Variants in KCNQ1OT1 observed in about 807,000 individuals in gnomAD.
KCNQ1OT1 encodes KCNQ1 antisense RNA 2 (non-protein coding).
Position 2,621,046 on chromosome 11 carries a change from C to T in KCNQ1OT1, n.78949G>A, listed in dbSNP as rs577952361. The T allele has an allele frequency of 1.6e-3, 653 of 396,398 alleles. 2 individuals are homozygous for T. The highest frequency in any genetic ancestry group is 5.7e-3 in the African/African-American group (274 of 48,492). 24.6% of individuals were successfully genotyped at this position (396,398 alleles called of 1,614,324 possible). A position where few individuals can be genotyped will look rare whatever the true frequency, so the allele number is the denominator to read the frequency against. ...AGGCTGGAGTGCAGTGGCGCAATCT[C>T]GGCTCACTGCAACCTCCACCTCCTG... On this transcript the variant is annotated non_coding_transcript_exon_variant, in exon 1 of 1. Coordinates refer to ENST00000597346, the Ensembl canonical transcript of KCNQ1OT1. This position sits in a 1 kb window ranked among gnomAD's most constrained non-coding sequence, Gnocchi z 5.7.
At chr11:2,692,383 G>A (rs575214202) in exon 1 of KCNQ1OT1, 16 of 398,796 alleles carry the variant, frequency 4.0e-5, no homozygotes, top group African/African-American at 3.1e-4. Flanking sequence ...CACATCCCCT[G>A]CCCCATTCCA....
At position 2,664,322 on chromosome 11, in the gene KCNQ1OT1, A is replaced by G. The variant is rs1850023622; in HGVS notation, n.35673T>C. 2 of 398,842 alleles carry G rather than the reference A, an allele frequency of 5.0e-6. No homozygotes were observed. Among genetic ancestry groups the G allele is most frequent in the Middle Eastern group, 6.2e-4 (1 of 1,614 alleles). The allele number at this position is 398,842 out of a possible 1,614,324, so 24.7% of individuals were successfully genotyped here. ...ATTGTGTTCTGGTCAGGGAAGACTCAGGGCTGAGGCTTCAGGGGAGCTGGG... is the reference window on the plus strand; with the variant it reads ...ATTGTGTTCTGGTCAGGGAAGACTCGGGGCTGAGGCTTCAGGGGAGCTGGG... On this transcript the variant is annotated non_coding_transcript_exon_variant, in exon 1 of 1. Transcript: ENST00000597346. This position sits in a 1 kb window ranked among gnomAD's most constrained non-coding sequence, Gnocchi z 5.1.
chr11:2,691,339 C>T lies in KCNQ1OT1; in HGVS notation n.8656G>A. On this transcript the variant is annotated non_coding_transcript_exon_variant, in exon 1 of 1. Coordinates refer to ENST00000597346, the Ensembl canonical transcript of KCNQ1OT1. This position sits in a 1 kb window ranked among gnomAD's most constrained non-coding sequence, Gnocchi z 6.4. ...CCTGAGCTACAATCCACTGCACTTA[C>T]AGTGACCACCCATCCTGACATCTTG... 5.0e-6 allele frequency: 2 copies of T among 398,652 alleles called. No homozygotes were observed. Among genetic ancestry groups the T allele is most frequent in the East Asian group, 3.6e-5 (1 of 28,068 alleles). The allele number at this position is 398,652 out of a possible 1,614,324, so 24.7% of individuals were successfully genotyped here. A position where few individuals can be genotyped will look rare whatever the true frequency, so the allele number is the denominator to read the frequency against.
In KCNQ1OT1 at chr11:2,679,706, G is replaced by A. The variant is rs577210505; in HGVS notation, n.20289C>T. On this transcript the variant is annotated non_coding_transcript_exon_variant, in exon 1 of 1. Transcript: ENST00000597346. This position sits in a 1 kb window ranked among gnomAD's most constrained non-coding sequence, Gnocchi z 4.8. ...AGATTAGATTTTTTTTAAATCAGCC[G>A]TTCTCTGTATTCTTGTCCAGATGCT... is the stretch of plus-strand genomic sequence containing the variant. 7.3e-5 allele frequency: 29 copies of A among 398,460 alleles called. No individual in the cohort carries two copies. Among genetic ancestry groups the A allele is most frequent in the South Asian group, 2.5e-4 (2 of 7,856 alleles). 24.7% of individuals were successfully genotyped at this position (398,460 alleles called of 1,614,324 possible).
In KCNQ1OT1 at chr11:2,623,651, G is replaced by T. The variant is rs539266166; in HGVS notation, n.76344C>A. 3.2e-4 allele frequency: 126 copies of T among 398,266 alleles called. No homozygotes were observed. Among genetic ancestry groups the T allele is most frequent in the Non-Finnish European group, 5.2e-4 (118 of 226,018 alleles). 24.7% of individuals were successfully genotyped at this position (398,266 alleles called of 1,614,324 possible). A position where few individuals can be genotyped will look rare whatever the true frequency, so the allele number is the denominator to read the frequency against. ...TATTTCATTGCCTGGATGTACTACAGTTTATCTGTCTACTCACCTATGGAA... is the reference window on the plus strand; with the variant it reads ...TATTTCATTGCCTGGATGTACTACATTTTATCTGTCTACTCACCTATGGAA... On this transcript the variant is annotated non_coding_transcript_exon_variant, in exon 1 of 1. Coordinates refer to ENST00000597346, the Ensembl canonical transcript of KCNQ1OT1. The surrounding 1 kb of genome is among the most constrained non-coding windows in gnomAD (Gnocchi z 5.2).
rs149225615 is a variant in KCNQ1OT1, at chr11:2,668,944, GCA to G, written n.31049_31050del. 1.5e-3 allele frequency: 600 copies of G among 397,554 alleles called. 3 individuals are homozygous for G. The highest frequency in any genetic ancestry group is 0.01 in the African/African-American group (490 of 48,328). The allele number at this position is 397,554 out of a possible 1,614,324, so 24.6% of individuals were successfully genotyped here. The stretch of plus-strand genomic sequence containing the variant: ...TAGCTCACCTTTCCCATGTAGATCT[GCA>G]CTCCATCTGGGATTGATTTTTGTGT... On this transcript the variant is annotated non_coding_transcript_exon_variant, in exon 1 of 1. Coordinates refer to ENST00000597346, the Ensembl canonical transcript of KCNQ1OT1. The surrounding 1 kb of genome is among the most constrained non-coding windows in gnomAD (Gnocchi z 4.3).
exon 1 of KCNQ1OT1, chr11:2,634,400 T>C: frequency 5.6e-6 from 1 of 177,292 alleles, no homozygotes; most frequent in Non-Finnish European, 1.0e-5. Context: ...CATTGTTCAG[T>C]TCCCACCTAC....
At chr11:2,618,109 A>T (rs1043680861) in exon 1 of KCNQ1OT1, 3 of 398,348 alleles carry the variant, frequency 7.5e-6, no homozygotes, top group Non-Finnish European at 1.3e-5. Context: ...TGCCAGAGCC[A>T]TGTCGAGCTT....
chr11:2,668,826 T>A lies in KCNQ1OT1; in HGVS notation n.31169A>T. 2.5e-6 allele frequency: 1 copy of A among 398,640 alleles called. No homozygotes were observed. 24.7% of individuals were successfully genotyped at this position (398,640 alleles called of 1,614,324 possible). A position where few individuals can be genotyped will look rare whatever the true frequency, so the allele number is the denominator to read the frequency against. On this transcript the variant is annotated non_coding_transcript_exon_variant, in exon 1 of 1. Coordinates refer to ENST00000597346, the Ensembl canonical transcript of KCNQ1OT1. This position sits in a 1 kb window ranked among gnomAD's most constrained non-coding sequence, Gnocchi z 4.3. The stretch of plus-strand genomic sequence containing the variant: ...TTCATGTGGTCCAGTTAATCAAACA[T>A]TTCCTCTCTGGATAGGGCTGTTTGT...
At position 2,652,437 on chromosome 11, in the gene KCNQ1OT1, CT is replaced by C. The variant is rs1849772015; in HGVS notation, n.47557del. ...AATTTTGTCTTGAAAATCAAGGCCA[CT>C]TTTTTGTTTTCTCCATCCAAAGACC... is the stretch of plus-strand genomic sequence containing the variant. On this transcript the variant is annotated non_coding_transcript_exon_variant, in exon 1 of 1. Coordinates refer to ENST00000597346, the Ensembl canonical transcript of KCNQ1OT1. This position sits in a 1 kb window ranked among gnomAD's most constrained non-coding sequence, Gnocchi z 5.9. The C allele has an allele frequency of 2.5e-6, 1 of 398,582 alleles. No homozygotes were observed. The highest frequency in any genetic ancestry group is 4.4e-6 in the Non-Finnish European group (1 of 226,046). 24.7% of individuals were successfully genotyped at this position (398,582 alleles called of 1,614,324 possible).
chr11:2,646,755 A>G (rs1849672200), exon 1 of KCNQ1OT1: 3 of 398,356 alleles, frequency 7.5e-6, no homozygotes, highest in Non-Finnish European at 8.8e-6. Flanking sequence ...GGCTCAAGCA[A>G]TCCACCCGCC....
rs1194689004 is a variant in KCNQ1OT1, at chr11:2,620,684, A to G, written n.79311T>C. On this transcript the variant is annotated non_coding_transcript_exon_variant, in exon 1 of 1. Transcript: ENST00000597346. The surrounding 1 kb of genome is among the most constrained non-coding windows in gnomAD (Gnocchi z 4.5). ...ATGTGTCTTTTTGATAGAACAATTT[A>G]TTTTCCTTTGAATATATATCCAGTA... is the stretch of plus-strand genomic sequence containing the variant. The G allele has an allele frequency of 2.5e-6, 1 of 398,302 alleles. No individual in the cohort carries two copies. The highest frequency in any genetic ancestry group is 4.4e-5 in the Admixed American group (1 of 22,700). The allele number at this position is 398,302 out of a possible 1,614,324, so 24.7% of individuals were successfully genotyped here.
Position 2,674,832 on chromosome 11 carries a change from TAA to T in KCNQ1OT1, n.25161_25162del, listed in dbSNP as rs34219164. 0.12 allele frequency: 32,554 copies of T among 278,006 alleles called. No individual in the cohort carries two copies. The highest frequency in any genetic ancestry group is 0.16 in the East Asian group (2,921 of 18,392). The allele number at this position is 278,006 out of a possible 1,614,324, so 17.2% of individuals were successfully genotyped here. ...GCTTGTCACCCTAATAGCTGTTTTT[TAA>T]AAAAAAAAAAAAAAAAAAAAAAAAA... On this transcript the variant is annotated non_coding_transcript_exon_variant, in exon 1 of 1. Coordinates refer to ENST00000597346, the Ensembl canonical transcript of KCNQ1OT1. The surrounding 1 kb of genome is among the most constrained non-coding windows in gnomAD (Gnocchi z 5.9).
chr11:2,624,206 C>G lies in KCNQ1OT1; in HGVS notation n.75789G>C. The G allele has an allele frequency of 5.0e-6, 2 of 398,572 alleles. No individual in the cohort carries two copies. The allele number at this position is 398,572 out of a possible 1,614,324, so 24.7% of individuals were successfully genotyped here. On this transcript the variant is annotated non_coding_transcript_exon_variant, in exon 1 of 1. Transcript: ENST00000597346. The surrounding 1 kb of genome is among the most constrained non-coding windows in gnomAD (Gnocchi z 4.9). Reference sequence around the variant, plus strand: ...ATCTTTTCATATACTTAGTTGCCATCTGTATATCTTCATTGGTGAGATGTC... The same window carrying G: ...ATCTTTTCATATACTTAGTTGCCATGTGTATATCTTCATTGGTGAGATGTC...
rs1850433879 is a variant in KCNQ1OT1, at chr11:2,683,504, C to T, written n.16491G>A. On this transcript the variant is annotated non_coding_transcript_exon_variant, in exon 1 of 1. Transcript: ENST00000597346. The surrounding 1 kb of genome is among the most constrained non-coding windows in gnomAD (Gnocchi z 4.7). ...CCTATTAAAACATAACTTGTTAAAG[C>T]ATAGAGCTTAGTTCAGAGTAAACAT... The T allele has an allele frequency of 2.5e-6, 1 of 398,504 alleles. No homozygotes were observed. The highest frequency in any genetic ancestry group is 2.1e-5 in the African/African-American group (1 of 48,626). 24.7% of individuals were successfully genotyped at this position (398,504 alleles called of 1,614,324 possible). A position where few individuals can be genotyped will look rare whatever the true frequency, so the allele number is the denominator to read the frequency against.
chr11:2,637,566 T>A (rs1337375385), exon 1 of KCNQ1OT1: 1 of 152,236 alleles, frequency 6.6e-6, no homozygotes, highest in Non-Finnish European at 1.5e-5. Flanking sequence ...TTATAGTTTC[T>A]GTTCTTTTAC....
Position 2,687,007 on chromosome 11 carries a change from G to T in KCNQ1OT1, n.12988C>A. On this transcript the variant is annotated non_coding_transcript_exon_variant, in exon 1 of 1. Transcript: ENST00000597346. This position sits in a 1 kb window ranked among gnomAD's most constrained non-coding sequence, Gnocchi z 5.0. The stretch of plus-strand genomic sequence containing the variant: ...ACTGGGCCCTGACTTGCTAAGATGG[G>T]AGCAAGAGCTTAGGGCTAAAACTCA... 2.5e-6 allele frequency: 1 copy of T among 398,646 alleles called. No individual in the cohort carries two copies. Among genetic ancestry groups the T allele is most frequent in the South Asian group, 1.3e-4 (1 of 7,840 alleles). 24.7% of individuals were successfully genotyped at this position (398,646 alleles called of 1,614,324 possible).
chr11:2,667,911 C>T (rs1192250039), exon 1 of KCNQ1OT1: 2 of 398,554 alleles, frequency 5.0e-6, no homozygotes, highest in Middle Eastern at 6.2e-4. Context: ...TCTTCAGTCC[C>T]TGGGACCCAT....
rs1850517911 is a variant in KCNQ1OT1 at position 2,687,857 on chromosome 11, C to T, written n.12138G>A. 5.0e-6 allele frequency: 2 copies of T among 398,626 alleles called. No individual in the cohort carries two copies. Among genetic ancestry groups the T allele is most frequent in the African/African-American group, 2.1e-5 (1 of 48,642 alleles). 24.7% of individuals were successfully genotyped at this position (398,626 alleles called of 1,614,324 possible). ...GGCCAAACTCTGGTTCCTGAGGAGC[C>T]TCAAAGGCTGGACTTGGGGTGTCCC... On this transcript the variant is annotated non_coding_transcript_exon_variant, in exon 1 of 1. Coordinates refer to ENST00000597346, the Ensembl canonical transcript of KCNQ1OT1. The surrounding 1 kb of genome is among the most constrained non-coding windows in gnomAD (Gnocchi z 5.0).
Sources: allele counts gnomAD v4.1 joint callset, GRCh38; gene constraint gnomAD v4.1.1; non-coding constraint Gnocchi (gnomAD v3.1); transcripts MANE v1.5; gene names NCBI Gene and HGNC (gene_info 2026-07-23, HGNC 2026-07-21).